DOCK9: variants seen among roughly 807,000 people sequenced by gnomAD.
DOCK9 encodes dedicator of cytokinesis protein 9.
DOCK9 carries 89 observed loss-of-function variants against 263.3 expected under a neutral mutation model. That is an observed-to-expected ratio of 0.34 (90% CI 0.28 to 0.40). The LOEUF is 0.40. DOCK9 is among the 10% of genes least tolerant of loss of function. The pLI, the probability that DOCK9 is intolerant of heterozygous loss-of-function variation, is 1.00. For synonymous variants in DOCK9, 976 were observed against 973.1 expected (o/e 1.00, Z -0.06); for missense variants, 2,140 against 2,603.4 (o/e 0.82, Z 3.87).
At position 98,853,454 on chromosome 13, in the gene DOCK9, C is replaced by G; in HGVS notation, c.3900G>C (p.Lys1300Asn). ...RCDKLDQSEI[K>N]SLLMCFLYIL... ...TGTAGAGGAAACACATCAGTAGGCT[C>G]TTAATCTCAGACTGGTCAAGTTTAT... Residue 1300 changes from lysine to asparagine, a missense_variant, in exon 35 of 53, where the codon AAG (lysine) becomes AAC (asparagine). This residue lies in a region of DOCK9 where 1,521 missense variants were observed against 1,741.7 expected (regional missense o/e 0.87). Transcript: ENST00000682017. The G allele has an allele frequency of 6.2e-7, 1 of 1,613,778 alleles. No individual in the cohort carries two copies. The highest frequency in any genetic ancestry group is 8.5e-7 in the Non-Finnish European group (1 of 1,179,806).
intron 27 of DOCK9, among the ~76,000 whole-genome samples, chr13:98,876,926 G>T (rs1179440587): frequency 1.3e-5 from 2 of 152,176 alleles, no homozygotes; most frequent in African/African-American, 4.8e-5. Flanking sequence ...TCTCCTGTGG[G>T]ATACCAGAGT....
chr13:99,046,538 C>T (rs1428412224), intron 1 of DOCK9, among the ~76,000 whole-genome samples: 2 of 152,316 alleles, frequency 1.3e-5, no homozygotes, highest in East Asian at 3.9e-4. Context: ...CTTGTCTCGA[C>T]AGTAAACACC....
At chr13:99,014,481 T>C (rs886254524) in intron 1 of DOCK9, among the ~76,000 whole-genome samples, 1 of 152,150 alleles carries the variant, frequency 6.6e-6, no homozygotes, top group African/African-American at 2.4e-5. Flanking sequence ...AGACCCTCCA[T>C]AAAATGCATC....
chr13:98,893,268 G>A (rs1279539462), intron 15 of DOCK9, among the ~76,000 whole-genome samples: 1 of 152,084 alleles, frequency 6.6e-6, no homozygotes, highest in South Asian at 2.1e-4. Context: ...AGCTGCATAC[G>A]CAAAAACTTT....
At chr13:98,943,030 C>T (rs1258349467) in intron 2 of DOCK9, among the ~76,000 whole-genome samples, 3 of 152,238 alleles carry the variant, frequency 2.0e-5, no homozygotes, top group African/African-American at 7.2e-5. Context: ...GGAAGACATA[C>T]TCCCTACTGT....
chr13:98,980,731 G>C (rs887091476), upstream of DOCK9, among the ~76,000 whole-genome samples: 1 of 152,000 alleles, frequency 6.6e-6, no homozygotes, highest in Non-Finnish European at 1.5e-5. Flanking sequence ...TCCACCAACC[G>C]TGTTGCTATC....
At chr13:98,834,318 C>A (rs1318033656) in intron 39 of DOCK9, 1 of 152,176 alleles carries the variant, frequency 6.6e-6, no homozygotes, top group African/African-American at 2.4e-5. Flanking sequence ...TTTATGTACA[C>A]AATTATTTTA....
At chr13:99,015,845 C>T in intron 1 of DOCK9, 2 of 1,143,864 alleles carry the variant, frequency 1.7e-6, no homozygotes, top group Non-Finnish European at 2.2e-6. Flanking sequence ...CAAGATGACA[C>T]ACCTCGGATG....
intron 1 of DOCK9, among the ~76,000 whole-genome samples, chr13:99,032,199 G>A (rs370495407): frequency 2.0e-5 from 3 of 152,102 alleles, no homozygotes; most frequent in Non-Finnish European, 4.4e-5. Context: ...GGCTGGGTGC[G>A]GTGGCTCACG....
Position 98,860,406 on chromosome 13 carries a change from A to G in DOCK9, c.3696T>C (p.Ile1232=). The G allele has an allele frequency of 6.3e-7, 1 of 1,582,086 alleles. No homozygotes were observed. Among genetic ancestry groups the G allele is most frequent in the Non-Finnish European group, 8.6e-7 (1 of 1,162,650 alleles). The change falls in exon 33 of 53, where the codon ATT becomes ATC. Residue 1232 remains isoleucine, a splice_region_variant and synonymous_variant. Transcript: ENST00000682017. ...HKDLLGAISG[I]ASPYTTSTPN... ...GCCCACAAGAGCATGGAGCGTTACC[A>G]ATGCCGGAGATGGCGCCCAGCAGGT...
At position 99,010,038 on chromosome 13, in the gene DOCK9, G is replaced by A. The variant is rs748143376; in HGVS notation, c.130-54487C>T. ...AGAGAGAGAAATATTAATTTACAATGGGTAAAATTACAGCTGCATTATCCC... is the reference window on the plus strand; with the variant it reads ...AGAGAGAGAAATATTAATTTACAATAGGTAAAATTACAGCTGCATTATCCC... On this transcript the variant is annotated intron_variant, in intron 1 of 32. Transcript: ENST00000427887. 3.3e-5 allele frequency among the ~76,000 whole-genome samples: 5 copies of A among 151,950 alleles called. No individual in the cohort carries two copies. The South Asian group carries it at 8.3e-4, about 25-fold the overall frequency.
rs756882951 is a variant in DOCK9, at chr13:98,863,150, A to G, written c.3466-18T>C. The G allele has an allele frequency of 8.8e-6, 14 of 1,587,552 alleles. No individual in the cohort carries two copies. The highest frequency in any genetic ancestry group is 2.3e-5 in the South Asian group (2 of 87,452). On this transcript the variant is annotated intron_variant, in intron 31 of 52. Coordinates refer to ENST00000682017, the MANE Select transcript of DOCK9 (RefSeq NM_001366683.2). The stretch of plus-strand genomic sequence containing the variant: ...TGATGGCTCTGAAAAGAAGACACAC[A>G]TGGTAAGTTTGACCCAGGATTCTGA...
chr13:98,877,243 G>A (rs1566814794), intron 27 of DOCK9, among the ~76,000 whole-genome samples: 1 of 152,170 alleles, frequency 6.6e-6, no homozygotes. Flanking sequence ...ACCTCTGTGA[G>A]GTAAGGGAGG....
At chr13:98,832,741 C>T (rs1165320344) in intron 39 of DOCK9, among the ~76,000 whole-genome samples, 5 of 152,106 alleles carry the variant, frequency 3.3e-5, no homozygotes, top group Non-Finnish European at 5.9e-5. Context: ...GCTGTCTGAA[C>T]AAAGCTCTGT....
At chr13:99,047,233 C>T (rs2040476503) in intron 1 of DOCK9, among the ~76,000 whole-genome samples, 1 of 152,132 alleles carries the variant, frequency 6.6e-6, no homozygotes, top group Non-Finnish European at 1.5e-5. Context: ...TTTAAAAGTA[C>T]ATATTTTTTA....
Position 98,919,008 on chromosome 13 carries a change from G to C in DOCK9, c.717+1946C>G, listed in dbSNP as rs117400811. 4.9e-3 allele frequency among the ~76,000 whole-genome samples: 739 copies of C among 152,298 alleles called. 2 individuals are homozygous for C. The highest frequency in any genetic ancestry group is 7.8e-3 in the Non-Finnish European group (530 of 68,018). ...AAAACTGATGAATGAAGAAACAGCA[G>C]TGAACACTTGTGATCTAGCACCACT... On this transcript the variant is annotated intron_variant, in intron 7 of 52. Coordinates refer to ENST00000682017, the MANE Select transcript of DOCK9 (RefSeq NM_001366683.2).
chr13:99,034,411 CCTT>C (rs1379913697), intron 1 of DOCK9, among the ~76,000 whole-genome samples: 1 of 152,198 alleles, frequency 6.6e-6, no homozygotes, highest in Non-Finnish European at 1.5e-5. Flanking sequence ...AAGCCTAAGA[CCTT>C]CTTTCCAAAG....
At chr13:98,823,462 T>C (rs1425546093) in intron 45 of DOCK9, among the ~76,000 whole-genome samples, 3 of 152,226 alleles carry the variant, frequency 2.0e-5, no homozygotes, top group Non-Finnish European at 4.4e-5. Flanking sequence ...CACACCGCTG[T>C]GGCCCTGGAA....
intron 1 of DOCK9, among the ~76,000 whole-genome samples, chr13:99,075,859 C>G (rs2041889254): frequency 6.6e-6 from 1 of 151,732 alleles, no homozygotes. Context: ...TAATGGAGAC[C>G]CTGGGTAGTT....
Sources: gnomAD v4.1 joint callset for allele counts (sites outside exome capture counted in the v4.1 genomes callset) on GRCh38, gnomAD v4.1.1 for gene constraint, gnomAD v4.1.1 regional missense constraint, MANE v1.5 for transcripts, NCBI Gene and HGNC (gene_info 2026-07-23, HGNC 2026-07-21) for gene names.